OPCML: variants seen among roughly 807,000 people sequenced by gnomAD.
OPCML encodes opioid binding protein/cell adhesion molecule like.
Under a neutral mutation model 37.8 loss-of-function variants are expected in OPCML, and 13 were observed. The observed-to-expected ratio is 0.34, with a 90% CI of 0.22 to 0.55. OPCML has a LOEUF of 0.55. Ranked by LOEUF, OPCML falls within the 20% of genes least tolerant of loss-of-function variation. The probability of loss-of-function intolerance (pLI) is 0.91; values close to 1 mark genes in which losing one functional copy is unlikely to be tolerated. For missense variants in OPCML, 341 were observed against 435.6 expected (o/e 0.78, Z 1.93); for synonymous variants, 176 against 168.8 (o/e 1.04, Z -0.33).
At chr11:132,860,211 G>A (rs996016789) in intron 2 of OPCML, 8 of 152,218 alleles carry the variant, frequency 5.3e-5, no homozygotes, top group African/African-American at 1.9e-4. Flanking sequence ...TACTGAGATT[G>A]TCTGTTGATG....
chr11:133,301,429 T>G (rs2136566019), intron 1 of OPCML: 1 of 152,272 alleles, frequency 6.6e-6, no homozygotes, highest in African/African-American at 2.4e-5. Flanking sequence ...AAAGATGAGG[T>G]TTTCAATTTG....
chr11:132,517,149 A>C (rs1196053918), intron 4 of OPCML, among the ~76,000 whole-genome samples: 1 of 152,182 alleles, frequency 6.6e-6, no homozygotes, highest in African/African-American at 2.4e-5. Flanking sequence ...GCTCAGTTAG[A>C]TACTGCCCTC....
At chr11:133,171,835 T>G (rs539737587) in intron 1 of OPCML, among the ~76,000 whole-genome samples, 1 of 152,280 alleles carries the variant, frequency 6.6e-6, no homozygotes, top group East Asian at 1.9e-4. Flanking sequence ...TACAAGAACC[T>G]CCTTAGGGGA....
At chr11:133,225,605 G>T (rs1389145413) in intron 1 of OPCML, among the ~76,000 whole-genome samples, 1 of 152,210 alleles carries the variant, frequency 6.6e-6, no homozygotes, top group African/African-American at 2.4e-5. Context: ...AGAGCTGAAA[G>T]ATGCCTCTAG....
intron 1 of OPCML, among the ~76,000 whole-genome samples, chr11:133,219,605 C>G (rs5025998): frequency 0.34 from 51,389 of 151,746 alleles, 9,359 homozygotes; most frequent in African/African-American, 0.47. Flanking sequence ...ATCAGGTCTG[C>G]AGTGTGATGA....
At chr11:132,849,652 T>TA (rs1465773676) in intron 2 of OPCML, among the ~76,000 whole-genome samples, 7 of 148,646 alleles carry the variant, frequency 4.7e-5, no homozygotes, top group Non-Finnish European at 1.1e-4. Context: ...AATCAGGCAT[T>TA]AAGCCATGCA....
At chr11:132,670,018 C>T (rs1942390749) in intron 2 of OPCML, among the ~76,000 whole-genome samples, 1 of 152,102 alleles carries the variant, frequency 6.6e-6, no homozygotes, top group African/African-American at 2.4e-5. Context: ...TCCTCCACAT[C>T]CTGAACAGCT....
intron 3 of OPCML, among the ~76,000 whole-genome samples, chr11:132,622,853 G>A (rs1470996635): frequency 6.6e-6 from 1 of 152,100 alleles, no homozygotes; most frequent in African/African-American, 2.4e-5. Context: ...TCCATGCAGT[G>A]GACAGGAAAA....
intron 2 of OPCML, among the ~76,000 whole-genome samples, chr11:132,935,422 G>C (rs1310854041): frequency 6.6e-6 from 1 of 152,062 alleles, no homozygotes; most frequent in African/African-American, 2.4e-5. Context: ...ATTGTGAGTT[G>C]AATTGTCTTC....
chr11:132,783,573 G>A (rs1591604655), intron 2 of OPCML, among the ~76,000 whole-genome samples: 1 of 152,022 alleles, frequency 6.6e-6, no homozygotes, highest in Admixed American at 6.6e-5. Flanking sequence ...AAATTCTCCA[G>A]GAACACACTT....
chr11:132,802,517 T>C (rs2136205974), intron 2 of OPCML, among the ~76,000 whole-genome samples: 1 of 152,372 alleles, frequency 6.6e-6, no homozygotes, highest in Non-Finnish European at 1.5e-5. Flanking sequence ...AAACAATTTC[T>C]GACACCTTCT....
intron 1 of OPCML, among the ~76,000 whole-genome samples, chr11:133,001,991 A>G (rs1947014891): frequency 6.6e-6 from 1 of 152,226 alleles, no homozygotes; most frequent in African/African-American, 2.4e-5. Flanking sequence ...ATTGAACTTA[A>G]CTTTTGACAA....
chr11:133,420,221 A>G, intron 1 of OPCML: 1 of 982,068 alleles, frequency 1.0e-6, no homozygotes, highest in South Asian at 4.7e-5. Flanking sequence ...GAGATCTGAT[A>G]GTTAAAACTT....
At chr11:132,782,917 G>GTGTATATATATATATATATA (rs376141259) in intron 2 of OPCML, among the ~76,000 whole-genome samples, 1 of 125,088 alleles carries the variant, frequency 8.0e-6, no homozygotes, top group African/African-American at 2.9e-5. Context: ...TATAGTGTGT[G>GTGTATATATATATATATATA]TATATATATA....
intron 2 of OPCML, among the ~76,000 whole-genome samples, chr11:132,673,137 C>A (rs1942549063): frequency 6.6e-6 from 1 of 152,144 alleles, no homozygotes; most frequent in South Asian, 2.1e-4. Flanking sequence ...ATGCTTGCCC[C>A]AAATGAGGTC....
At chr11:133,037,579 T>G (rs950504276) in intron 1 of OPCML, among the ~76,000 whole-genome samples, 2 of 152,192 alleles carry the variant, frequency 1.3e-5, no homozygotes, top group Admixed American at 1.3e-4. Context: ...GCCACCTTTT[T>G]AGAGAGCGAG....
chr11:133,008,928 G>C (rs577993479), intron 1 of OPCML: 1 of 985,442 alleles, frequency 1.0e-6, no homozygotes, highest in East Asian at 1.1e-4. Flanking sequence ...TGATTAAGGA[G>C]TCACAGCAAG....
At chr11:133,248,969 C>A (rs1941040807) in intron 1 of OPCML, among the ~76,000 whole-genome samples, 1 of 152,262 alleles carries the variant, frequency 6.6e-6, no homozygotes, top group Admixed American at 6.5e-5. Flanking sequence ...ATGTGTCTTG[C>A]AAACATGTCA....
chr11:132,617,308 G>A (rs1939096002), intron 3 of OPCML, among the ~76,000 whole-genome samples: 2 of 152,154 alleles, frequency 1.3e-5, no homozygotes, highest in South Asian at 4.1e-4. Context: ...AACAATTCGA[G>A]GAAATTCTTT....
Sources: allele counts gnomAD v4.1 joint callset (sites outside exome capture counted in the v4.1 genomes callset), GRCh38; gene constraint gnomAD v4.1.1; transcripts MANE v1.5; gene names NCBI Gene and HGNC (gene_info 2026-07-23, HGNC 2026-07-21).